The following BRD1 variants were observed in gnomAD, a reference collection of about 807,000 sequenced individuals.
BRD1 encodes the protein bromodomain containing 1.
Under a neutral mutation model 107.7 loss-of-function variants are expected in BRD1, and 24 were observed. That is an observed-to-expected ratio of 0.22 (90% CI 0.16 to 0.31). The LOEUF (loss-of-function observed/expected upper bound fraction) is 0.31, where lower values mean the gene tolerates loss of function less well. Among genes scored for constraint, BRD1 ranks in the 10% least tolerant of loss-of-function variants. The probability of loss-of-function intolerance (pLI) is 1.00; values close to 1 mark genes in which losing one functional copy is unlikely to be tolerated. For missense variants in BRD1, 1,279 were observed against 1,638.6 expected (o/e 0.78, Z 3.79); for synonymous variants, 744 against 686.1 (o/e 1.08, Z -1.32).
chr22:49,783,539 C>T lies in BRD1; in HGVS notation c.2857+3851G>A, dbSNP rs979261462. Among the ~76,000 whole-genome samples, 8 of 152,224 alleles carry T rather than the reference C, an allele frequency of 5.3e-5. No homozygotes were observed. Among genetic ancestry groups the T allele is most frequent in the Admixed American group, 3.9e-4 (6 of 15,284 alleles). ...ACCCAAACCACCAGTCACTATGGGA[C>T]GGCTCCGCACATGCTCAGGACAGCC... On this transcript the variant is annotated intron_variant, in intron 8 of 12. Transcript: ENST00000404760. This position sits in a 1 kb window ranked among gnomAD's most constrained non-coding sequence, Gnocchi z 4.2.
At chr22:49,789,042 G>A (rs1412831982) in intron 7 of BRD1, among the ~76,000 whole-genome samples, 1 of 152,224 alleles carries the variant, frequency 6.6e-6, no homozygotes, top group Non-Finnish European at 1.5e-5. Flanking sequence ...ATGACGCCGG[G>A]CAGCAGTGCT....
chr22:49,784,420 G>A (rs1470400920), intron 8 of BRD1, among the ~76,000 whole-genome samples: 1 of 152,248 alleles, frequency 6.6e-6, no homozygotes, highest in East Asian at 1.9e-4. Flanking sequence ...TTCACTGCTG[G>A]TGAGCGTGCA....
intron 2 of BRD1, chr22:49,817,371 G>C (rs1301673798): frequency 5.6e-6 from 1 of 177,678 alleles, no homozygotes; most frequent in Non-Finnish European, 1.2e-5. Context: ...TTCAAGTTCA[G>C]ACTTCCTGCT....
chr22:49,813,061 A>G (rs1489659122), intron 2 of BRD1, among the ~76,000 whole-genome samples: 1 of 152,096 alleles, frequency 6.6e-6, no homozygotes. Flanking sequence ...GCCTGACCCA[A>G]CCTCACACCA....
At chr22:49,795,415 T>C (rs1407569336) in intron 6 of BRD1, among the ~76,000 whole-genome samples, 2 of 152,206 alleles carry the variant, frequency 1.3e-5, no homozygotes, top group African/African-American at 4.8e-5. Context: ...CCAGGACTTC[T>C]CATCCTTCAT....
chr22:49,788,695 G>C (rs541061079), intron 7 of BRD1, among the ~76,000 whole-genome samples: 1 of 152,168 alleles, frequency 6.6e-6, no homozygotes, highest in Non-Finnish European at 1.5e-5. Context: ...GCTCTGGCAC[G>C]AGGCTAACAG....
At chr22:49,777,234 A>G in intron 9 of BRD1, 73 bp from the exon 10 acceptor site, 1 of 1,586,454 alleles carries the variant, frequency 6.3e-7, no homozygotes, top group Non-Finnish European at 8.6e-7. Context: ...TCGTCCCGTG[A>G]GCTGTCCGCC....
At position 49,773,449 on chromosome 22, in the gene BRD1, T is replaced by G. The variant is rs1195235886; in HGVS notation, c.*784A>C. The G allele has an allele frequency of 6.6e-6, 1 of 152,586 alleles. No individual in the cohort carries two copies. The highest frequency in any genetic ancestry group is 6.5e-5 in the Admixed American group (1 of 15,292). The allele number at this position is 152,586 out of a possible 1,614,324, so 9.5% of individuals were successfully genotyped here. A position where few individuals can be genotyped will look rare whatever the true frequency, so the allele number is the denominator to read the frequency against. On this transcript the variant is annotated 3_prime_UTR_variant, in exon 13 of 13. Transcript: ENST00000404760. ...TCCAAAGTTTCTATTGCTACCAAAG[T>G]GTTCTAAATTAAAACAAGTTACAGA...
rs1212175993 is a variant in BRD1, at chr22:49,787,643, G to A, written c.2604C>T (p.Ser868=). 5 of 1,550,696 alleles carry A rather than the reference G, an allele frequency of 3.2e-6. No homozygotes were observed. The highest frequency in any genetic ancestry group is 2.4e-5 in the East Asian group (1 of 40,918). The change falls in exon 8 of 13, where the codon TCC becomes TCT. Residue 868 remains serine (S), a synonymous_variant. Coordinates refer to ENST00000404760, the MANE Select transcript of BRD1 (RefSeq NM_001304808.3). ...CATCGCTTGCTGGCTCCGCCACCGC[G>A]GAGGCCGCCGCCGCCGGCACATCGC... ...SSGDVPAAAA[S]AVAEPASDVN...
At position 49,803,214 on chromosome 22, in the gene BRD1, C is replaced by T. The variant is rs768327647; in HGVS notation, c.1524+990G>A. Among the ~76,000 whole-genome samples, 3 of 152,202 alleles carry T rather than the reference C, an allele frequency of 2.0e-5. No individual in the cohort carries two copies. Among genetic ancestry groups the T allele is most frequent in the Non-Finnish European group, 4.4e-5 (3 of 68,044 alleles). On this transcript the variant is annotated intron_variant, in intron 3 of 12. Coordinates refer to ENST00000404760, the MANE Select transcript of BRD1 (RefSeq NM_001304808.3). This position sits in a 1 kb window ranked among gnomAD's most constrained non-coding sequence, Gnocchi z 4.4. ...GCTCACGCTGCAGAGGCAGAGTCTGCGAGGCAGAGACAGCACCGGCCACCG... is the reference window on the plus strand; with the variant it reads ...GCTCACGCTGCAGAGGCAGAGTCTGTGAGGCAGAGACAGCACCGGCCACCG...
At chr22:49,821,346 C>T (rs1013298085) in intron 2 of BRD1, among the ~76,000 whole-genome samples, 14 of 152,340 alleles carry the variant, frequency 9.2e-5, no homozygotes, top group African/African-American at 3.1e-4. Flanking sequence ...ACCTCTTATA[C>T]AGAAGCTCTT....
At chr22:49,818,217 C>T (rs1181615579) in intron 2 of BRD1, 1 of 1,186,110 alleles carries the variant, frequency 8.4e-7, no homozygotes. Flanking sequence ...ATCACAAAGC[C>T]TTGCCTATCT....
At chr22:49,809,951 G>C (rs1390289438) in intron 2 of BRD1, among the ~76,000 whole-genome samples, 1 of 152,064 alleles carries the variant, frequency 6.6e-6, no homozygotes, top group Admixed American at 6.5e-5. Context: ...TTGCATCAAA[G>C]AAAGAAAGAA....
At chr22:49,815,274 T>C (rs753266286) in intron 2 of BRD1, among the ~76,000 whole-genome samples, 8 of 152,214 alleles carry the variant, frequency 5.3e-5, no homozygotes, top group Non-Finnish European at 1.0e-4. Flanking sequence ...CACAGTGGCT[T>C]ATGCCTGTAA....
rs1215291939 is a variant in BRD1, at chr22:49,823,124, C to T, written c.1194G>A (p.Leu398=). The change falls in exon 2 of 13, where the codon CTG becomes CTA. Residue 398 remains leucine, a synonymous_variant. Coordinates refer to ENST00000404760, the MANE Select transcript of BRD1 (RefSeq NM_001304808.3). ...HTPPGCTRRP[L]NIYGDVEMKN... ...TCATTTCGACATCCCCGTAAATATT[C>T]AGAGGCCTCCGGGTGCAGCCTGGAG... The T allele has an allele frequency of 6.2e-7, 1 of 1,614,082 alleles. No individual in the cohort carries two copies. The highest frequency in any genetic ancestry group is 8.5e-7 in the Non-Finnish European group (1 of 1,180,042).
At chr22:49,796,379 T>C (rs575764589) in intron 6 of BRD1, among the ~76,000 whole-genome samples, 67 of 145,666 alleles carry the variant, frequency 4.6e-4, no homozygotes, top group Non-Finnish European at 7.7e-4. Flanking sequence ...TTTTTGGAGA[T>C]AGGGTCTCAC....
chr22:49,777,647 G>A (rs764453008), intron 9 of BRD1, 31 bp downstream of exon 9: 8 of 1,593,758 alleles, frequency 5.0e-6, no homozygotes, highest in Middle Eastern at 1.9e-4. Context: ...TGGGAGCTGC[G>A]TGGTGGGAAG....
At chr22:49,788,537 A>T (rs78004933) in intron 7 of BRD1, among the ~76,000 whole-genome samples, 1 of 152,186 alleles carries the variant, frequency 6.6e-6, no homozygotes, top group Non-Finnish European at 1.5e-5. Flanking sequence ...AAGTCTTTGG[A>T]AAAAGACGGC....
intron 6 of BRD1, among the ~76,000 whole-genome samples, chr22:49,795,849 C>T (rs555637408): frequency 2.2e-4 from 34 of 152,320 alleles, no homozygotes; most frequent in South Asian, 1.0e-3. Context: ...CCTGGGCTCA[C>T]TCTGAGGCGG....
Sources: gnomAD v4.1 joint callset for allele counts (sites outside exome capture counted in the v4.1 genomes callset) on GRCh38, gnomAD v4.1.1 for gene constraint, Gnocchi (gnomAD v3.1) non-coding constraint, MANE v1.5 for transcripts, NCBI Gene and HGNC (gene_info 2026-07-23, HGNC 2026-07-21) for gene names.